The following ARAP2 variants were observed in gnomAD, a reference collection of about 807,000 sequenced individuals.
The protein encoded by ARAP2 is arf-GAP with Rho-GAP domain, ANK repeat and PH domain-containing protein 2.
ARAP2 carries 148 observed loss-of-function variants against 194.5 expected under a neutral mutation model. That is an observed-to-expected ratio of 0.76 (90% CI 0.67 to 0.87). The LOEUF (loss-of-function observed/expected upper bound fraction) is 0.87. ARAP2 is among the 40% of genes least tolerant of loss of function. The pLI is 0.00. For missense variants in ARAP2, 2,128 were observed against 1,989.7 expected, an observed-to-expected ratio of 1.07 and a Z score of -1.32; for synonymous variants, 695 against 683.5, an observed-to-expected ratio of 1.02 and a Z score of -0.26.
intron 27 of ARAP2, among the ~76,000 whole-genome samples, chr4:36,092,402 G>C (rs1194028814): frequency 6.6e-6 from 1 of 150,774 alleles, no homozygotes; most frequent in Non-Finnish European, 1.5e-5. Context: ...CTGAGGTCAG[G>C]AGTTCAAGAC....
In ARAP2 at chr4:36,150,927, T is replaced by C. The variant is rs1730819096; in HGVS notation, c.2870A>G (p.His957Arg). 6.2e-7 allele frequency: 1 copy of C among 1,612,968 alleles called. No individual in the cohort carries two copies. Among genetic ancestry groups the C allele is most frequent in the Non-Finnish European group, 8.5e-7 (1 of 1,179,594 alleles). Reference protein sequence around the residue: ...NINEVICLAIHKEDFYLNTGP... With the variant: ...NINEVICLAIRKEDFYLNTGP... ...AGTATTTAAATAGAAGTCCTCTTTG[T>C]GTATAGCCAGGCAGATAACTTCATT... The change falls in exon 16 of 33, where the codon CAC becomes CGC. Residue 957 changes from histidine (H) to arginine (R), a missense_variant. By Grantham distance (29) the His-to-Arg change is conservative. Coordinates refer to ENST00000303965, the MANE Select transcript of ARAP2 (RefSeq NM_015230.4).
Position 36,142,546 on chromosome 4 carries a change from G to T in ARAP2, c.3263+4750C>A, listed in dbSNP as rs55732065. Reference sequence around the variant, plus strand: ...TTCTGCTCTCCCCCAAGTCACCAGAGGGACTCCAAATCACTTATCTTATGG... The same window carrying T: ...TTCTGCTCTCCCCCAAGTCACCAGATGGACTCCAAATCACTTATCTTATGG... On this transcript the variant is annotated intron_variant, in intron 19 of 32. Transcript: ENST00000303965. Among the ~76,000 whole-genome samples, 958 of 151,462 alleles carry T rather than the reference G, an allele frequency of 6.3e-3. 13 individuals are homozygous for T. The highest frequency in any genetic ancestry group is 0.022 in the African/African-American group (906 of 41,344).
rs1252860458 is a variant in ARAP2 at position 36,244,345 on chromosome 4, TGGCGGCGGCCGCGCG to T, written c.-341_-327del. 4.6e-5 allele frequency: 7 copies of T among 151,378 alleles called. No homozygotes were observed. The highest frequency in any genetic ancestry group is 3.3e-4 in the Admixed American group (5 of 15,246). The allele number at this position is 151,378 out of a possible 1,614,324, so 9.4% of individuals were successfully genotyped here. ...GCTGTCCGCAGTCGCCTCTGCTGCCTGGCGGCGGCCGCGCGGGCGGCGCTGTTAGTGGGGCCGGCG... is the reference window on the plus strand; with the variant it reads ...GCTGTCCGCAGTCGCCTCTGCTGCCTGGCGGCGCTGTTAGTGGGGCCGGCG... On this transcript the variant is annotated 5_prime_UTR_variant, in exon 1 of 33. Coordinates refer to ENST00000303965, the MANE Select transcript of ARAP2 (RefSeq NM_015230.4).
intron 5 of ARAP2, among the ~76,000 whole-genome samples, chr4:36,045,650 C>A (rs1343199847): frequency 6.6e-6 from 1 of 151,938 alleles, no homozygotes; most frequent in African/African-American, 2.4e-5. Flanking sequence ...AACTATAGGT[C>A]ATAATAATGT....
chr4:36,243,199 G>T (rs755955737), intron 1 of ARAP2, among the ~76,000 whole-genome samples: 3 of 151,762 alleles, frequency 2.0e-5, no homozygotes, highest in Non-Finnish European at 4.4e-5. Context: ...GGCCTGTGGG[G>T]GTGTAGAGTG....
Position 36,147,605 on chromosome 4 carries a change from G to A in ARAP2, c.3142C>T (p.Leu1048Phe). The A allele has an allele frequency of 6.2e-7, 1 of 1,613,490 alleles. No homozygotes were observed. The highest frequency in any genetic ancestry group is 8.5e-7 in the Non-Finnish European group (1 of 1,179,674). ...AMDKSSLHFC[L>F]QMQEVQGDRM... ...TCTCCCTGAACTTCTTGCATTTGAA[G>A]GCAAAAATGCAAGCTGGATTTGTCC... is the stretch of plus-strand genomic sequence containing the variant. Residue 1048 changes from leucine (L) to phenylalanine (F), a missense_variant, in exon 18 of 33, where the codon CTT becomes TTT. Transcript: ENST00000303965.
At chr4:36,180,933 A>G (rs942216980) in intron 8 of ARAP2, among the ~76,000 whole-genome samples, 1 of 152,260 alleles carries the variant, frequency 6.6e-6, no homozygotes, top group African/African-American at 2.4e-5. Context: ...TCTAAACACA[A>G]TAAAATAGAT....
At chr4:36,055,738 AT>A (rs1560331570) in intron 2 of ARAP2, among the ~76,000 whole-genome samples, 1 of 151,902 alleles carries the variant, frequency 6.6e-6, no homozygotes, top group Non-Finnish European at 1.5e-5. Context: ...TAATTTTTGT[AT>A]TTTTAGTAGA....
At chr4:36,193,275 G>A (rs903244630) in intron 7 of ARAP2, among the ~76,000 whole-genome samples, 2 of 152,150 alleles carry the variant, frequency 1.3e-5, no homozygotes, top group African/African-American at 4.8e-5. Context: ...TAGAGCCACA[G>A]GTATTGCCAA....
chr4:36,163,903 T>C (rs991547557), intron 11 of ARAP2, among the ~76,000 whole-genome samples: 3 of 152,212 alleles, frequency 2.0e-5, no homozygotes, highest in Non-Finnish European at 4.4e-5. Flanking sequence ...TATTATTAAT[T>C]AGCTGGTGAG....
At chr4:36,217,842 T>C (rs776431831) in intron 2 of ARAP2, among the ~76,000 whole-genome samples, 1 of 150,972 alleles carries the variant, frequency 6.6e-6, no homozygotes, top group African/African-American at 2.4e-5. Flanking sequence ...TAATACTAGA[T>C]ATATGATAAT....
intron 5 of ARAP2, among the ~76,000 whole-genome samples, chr4:36,038,981 G>A (rs1351958569): frequency 6.6e-6 from 1 of 152,172 alleles, no homozygotes; most frequent in Non-Finnish European, 1.5e-5. Context: ...AGAAAATAAT[G>A]TGGCTAAATG....
At chr4:36,026,069 T>C (rs915602299) in intron 5 of ARAP2, among the ~76,000 whole-genome samples, 1 of 152,150 alleles carries the variant, frequency 6.6e-6, no homozygotes, top group African/African-American at 2.4e-5. Context: ...AAATGTAATA[T>C]AATACTCAAA....
chr4:36,175,283 G>C (rs1737623259), intron 9 of ARAP2, among the ~76,000 whole-genome samples: 1 of 152,096 alleles, frequency 6.6e-6, no homozygotes. Flanking sequence ...CTATTGTTTA[G>C]TGCTTTTCCT....
chr4:36,147,159 T>C lies in ARAP2; in HGVS notation c.3263+137A>G, dbSNP rs143946878. 108 of 657,034 alleles carry C rather than the reference T, an allele frequency of 1.6e-4. 1 individual carries two copies. The East Asian group carries it at 3.0e-3, about 18-fold the overall frequency. The allele number at this position is 657,034 out of a possible 1,614,324, so 40.7% of individuals were successfully genotyped here. ...TTCCAAAGAGAGCTAATATATACTA[T>C]ATATGTATATTTATATGATTCAGAA... On this transcript the variant is annotated intron_variant, in intron 19 of 32. Coordinates refer to ENST00000303965, the MANE Select transcript of ARAP2 (RefSeq NM_015230.4).
At chr4:36,217,652 A>T (rs1213999116) in intron 2 of ARAP2, among the ~76,000 whole-genome samples, 42 of 152,144 alleles carry the variant, frequency 2.8e-4, no homozygotes, top group Non-Finnish European at 1.5e-5. Context: ...ATGAAACATT[A>T]AAATGGTGCC....
At chr4:36,222,421 G>C (rs1313498231) in intron 2 of ARAP2, among the ~76,000 whole-genome samples, 1 of 151,680 alleles carries the variant, frequency 6.6e-6, no homozygotes, top group African/African-American at 2.4e-5. Flanking sequence ...AACAACTTAG[G>C]ATAATAAATT....
intron 28 of ARAP2, among the ~76,000 whole-genome samples, chr4:36,088,556 A>T (rs1712572509): frequency 6.6e-6 from 1 of 152,102 alleles, no homozygotes; most frequent in African/African-American, 2.4e-5. Context: ...GTTCAAATGC[A>T]GTATATAATA....
intron 2 of ARAP2, among the ~76,000 whole-genome samples, chr4:36,220,228 CGT>C (rs112046124): frequency 1.0e-3 from 149 of 148,886 alleles, no homozygotes; most frequent in South Asian, 2.3e-3. Context: ...TATAGGCACA[CGT>C]GTGTGTGTGT....
Sources: allele counts gnomAD v4.1 joint callset (sites outside exome capture counted in the v4.1 genomes callset), GRCh38; gene constraint gnomAD v4.1.1; transcripts MANE v1.5; gene names NCBI Gene and HGNC (gene_info 2026-07-23, HGNC 2026-07-21).